The following LMNB2 variants were observed in gnomAD, a reference collection of about 807,000 sequenced individuals.
LMNB2 encodes the protein lamin B2.
Under a neutral mutation model 69.3 loss-of-function variants are expected in LMNB2, and 17 were observed. The observed-to-expected ratio is 0.25, with a 90% CI of 0.17 to 0.37. The LOEUF (loss-of-function observed/expected upper bound fraction) is 0.37, where lower values mean the gene tolerates loss of function less well. LMNB2 is among the 10% of genes least tolerant of loss of function. The probability of loss-of-function intolerance (pLI) is 1.00; values close to 1 mark genes in which losing one functional copy is unlikely to be tolerated. For synonymous variants in LMNB2, 397 were observed against 389.3 expected (o/e 1.02, Z -0.23); for missense variants, 789 against 883.6 (o/e 0.89, Z 1.36).
chr19:2,451,426 A>G (rs1406585491), intron 1 of LMNB2, among the ~76,000 whole-genome samples: 2 of 152,218 alleles, frequency 1.3e-5, no homozygotes, highest in African/African-American at 4.8e-5. Context: ...TCAGATGCAG[A>G]CAGTCTGGCC....
rs897415673 is a variant in LMNB2, at chr19:2,434,224, C to T, written c.1202+71G>A. On this transcript the variant is annotated intron_variant, in intron 7 of 11. Transcript: ENST00000325327. ...CCCCTGCCCAGCACTCCCCGCAGCCCCGTCCCGCCTCTCCTCCTGCCCTGC... is the reference window on the plus strand; with the variant it reads ...CCCCTGCCCAGCACTCCCCGCAGCCTCGTCCCGCCTCTCCTCCTGCCCTGC... 6.4e-6 allele frequency: 10 copies of T among 1,570,104 alleles called. No individual in the cohort carries two copies. In the African/African-American group the frequency reaches 8.1e-5, roughly 13 times the overall value.
rs1599328860 is a variant in LMNB2, at chr19:2,430,746, A to T, written c.*165T>A. The T allele has an allele frequency of 1.4e-6, 1 of 707,882 alleles. No homozygotes were observed. Among genetic ancestry groups the T allele is most frequent in the Non-Finnish European group, 2.6e-6 (1 of 381,072 alleles). 43.9% of individuals were successfully genotyped at this position (707,882 alleles called of 1,614,324 possible). Reference sequence around the variant, plus strand: ...CGAAGTGGCAGCGAAGTGAGGCTGGAGGAGACCCGCCAGGAGGGAGGGCTG... The same window carrying T: ...CGAAGTGGCAGCGAAGTGAGGCTGGTGGAGACCCGCCAGGAGGGAGGGCTG... On this transcript the variant is annotated 3_prime_UTR_variant, in exon 12 of 12. Transcript: ENST00000325327.
chr19:2,452,623 G>C (rs924011179), intron 1 of LMNB2, among the ~76,000 whole-genome samples: 2 of 151,802 alleles, frequency 1.3e-5, no homozygotes, highest in East Asian at 3.9e-4. Flanking sequence ...CTACTTAGGA[G>C]GGTGAGGCAG....
chr19:2,452,038 A>G (rs1972027985), intron 1 of LMNB2, among the ~76,000 whole-genome samples: 1 of 152,104 alleles, frequency 6.6e-6, no homozygotes, highest in Non-Finnish European at 1.5e-5. Flanking sequence ...GACACGGGCC[A>G]CAGCGCGGCC....
At chr19:2,455,101 A>C (rs896120407) in intron 1 of LMNB2, among the ~76,000 whole-genome samples, 2 of 152,010 alleles carry the variant, frequency 1.3e-5, no homozygotes, top group East Asian at 3.9e-4. Flanking sequence ...TGGGACCCCA[A>C]GGTATCAGAA....
intron 4 of LMNB2, 56 bp downstream of exon 4, chr19:2,438,107 G>A: frequency 1.2e-6 from 2 of 1,608,886 alleles, no homozygotes; most frequent in Non-Finnish European, 1.7e-6. Flanking sequence ...CCACAGCCAT[G>A]AGGGTGGACT....
In LMNB2 at chr19:2,429,165, C is replaced by T. The variant is rs1971700293; in HGVS notation, c.*1746G>A. The T allele has an allele frequency of 1.3e-5, 2 of 152,266 alleles. No homozygotes were observed. The highest frequency in any genetic ancestry group is 6.5e-5 in the Admixed American group (1 of 15,288). 9.4% of individuals were successfully genotyped at this position (152,266 alleles called of 1,614,324 possible). ...TCCCCATAGGACAAGATCACCAAGA[C>T]CCACCCCCAGAACCCTCGCTAGCAC... is the stretch of plus-strand genomic sequence containing the variant. On this transcript the variant is annotated 3_prime_UTR_variant, in exon 12 of 12. Transcript: ENST00000325327.
rs566638462 is a variant in LMNB2, at chr19:2,434,709, GC to G, written c.981+78del. On this transcript the variant is annotated intron_variant, in intron 6 of 11. Transcript: ENST00000325327. ...CTGCATCCGATGCCAAGAGGCCAGA[GC>G]CCCACGCCCCGCACATCCAGGGCAG... The G allele has an allele frequency of 8.0e-5, 123 of 1,535,714 alleles. 1 individual carries two copies. In the African/African-American group the frequency reaches 1.3e-3, roughly 17 times the overall value.
Position 2,430,579 on chromosome 19 carries a change from T to C in LMNB2, c.*332A>G. 1 of 434,482 alleles carries C rather than the reference T, an allele frequency of 2.3e-6. No homozygotes were observed. The highest frequency in any genetic ancestry group is 2.1e-5 in the South Asian group (1 of 47,314). The allele number at this position is 434,482 out of a possible 1,614,324, so 26.9% of individuals were successfully genotyped here. On this transcript the variant is annotated 3_prime_UTR_variant, in exon 12 of 12. Transcript: ENST00000325327. ...CTCCGTCCGCAGCAGGGCCGTCTCC[T>C]GTCCCCTCGCTAGCCTCGCCGGCCC...
chr19:2,447,683 G>A lies in LMNB2; in HGVS notation c.265-3143C>T, dbSNP rs1420230013. ...TTCCCACAGCCCTACAGGGCCAAGG[G>A]TGTCTATGCAAGGTGGGTACAGGGT... On this transcript the variant is annotated intron_variant, in intron 1 of 11. Coordinates refer to ENST00000325327, the MANE Select transcript of LMNB2 (RefSeq NM_032737.4). The surrounding 1 kb of genome is among the most constrained non-coding windows in gnomAD (Gnocchi z 4.4). 6.6e-6 allele frequency among the ~76,000 whole-genome samples: 1 copy of A among 152,208 alleles called. No individual in the cohort carries two copies. Among genetic ancestry groups the A allele is most frequent in the Non-Finnish European group, 1.5e-5 (1 of 68,036 alleles).
At position 2,430,269 on chromosome 19, in the gene LMNB2, C is replaced by G. The variant is rs1162482254; in HGVS notation, c.*642G>C. 1.1e-5 allele frequency: 2 copies of G among 174,318 alleles called. No homozygotes were observed. Among genetic ancestry groups the G allele is most frequent in the African/African-American group, 4.8e-5 (2 of 41,748 alleles). 10.8% of individuals were successfully genotyped at this position (174,318 alleles called of 1,614,324 possible). On this transcript the variant is annotated 3_prime_UTR_variant, in exon 12 of 12. Transcript: ENST00000325327. ...AGGAACTGAACTGCGGGAAAACTCC[C>G]CCAAATAAAGTCAACGGTCCGAGAA...
Position 2,452,926 on chromosome 19 carries a change from A to G in LMNB2, c.264+3744T>C, listed in dbSNP as rs147194328. ...TCCTCGTGGGGGATGGGTCATCCTC[A>G]TGGGGGCTGCGTCATCCTCATGGGG... On this transcript the variant is annotated intron_variant, in intron 1 of 11. Coordinates refer to ENST00000325327, the MANE Select transcript of LMNB2 (RefSeq NM_032737.4). 2.5e-4 allele frequency among the ~76,000 whole-genome samples: 16 copies of G among 64,420 alleles called. 1 individual carries two copies. Among genetic ancestry groups the G allele is most frequent in the East Asian group, 1.9e-3 (5 of 2,604 alleles). 42.3% of individuals were successfully genotyped at this position (64,420 alleles called of 152,430 possible).
chr19:2,430,751 A>T lies in LMNB2; in HGVS notation c.*160T>A, dbSNP rs1599328867. Reference sequence around the variant, plus strand: ...TGGCAGCGAAGTGAGGCTGGAGGAGACCCGCCAGGAGGGAGGGCTGGGGGA... The same window carrying T: ...TGGCAGCGAAGTGAGGCTGGAGGAGTCCCGCCAGGAGGGAGGGCTGGGGGA... On this transcript the variant is annotated 3_prime_UTR_variant, in exon 12 of 12. Transcript: ENST00000325327. 1 of 708,436 alleles carries T rather than the reference A, an allele frequency of 1.4e-6. No homozygotes were observed. The highest frequency in any genetic ancestry group is 2.7e-5 in the East Asian group (1 of 37,234). The allele number at this position is 708,436 out of a possible 1,614,324, so 43.9% of individuals were successfully genotyped here. A position where few individuals can be genotyped will look rare whatever the true frequency, so the allele number is the denominator to read the frequency against.
At chr19:2,446,983 A>G (rs945631539) in intron 1 of LMNB2, among the ~76,000 whole-genome samples, 2 of 151,966 alleles carry the variant, frequency 1.3e-5, no homozygotes, top group African/African-American at 4.8e-5. Context: ...TACTAAAAAA[A>G]CATACAAAAA....
chr19:2,452,077 T>C (rs1972028411), intron 1 of LMNB2, among the ~76,000 whole-genome samples: 1 of 149,550 alleles, frequency 6.7e-6, no homozygotes, highest in South Asian at 2.1e-4. Context: ...CCCCCAGCAC[T>C]CAGTGATCCT....
rs570599289 is a variant in LMNB2 at position 2,441,379 on chromosome 19, G to T, written c.402-2848C>A. ...GAGAGGCGTGAAGGCCAGAGACTTC[G>T]GCCACAAGGCTGATGCACCCCTGTC... On this transcript the variant is annotated intron_variant, in intron 2 of 11. Coordinates refer to ENST00000325327, the MANE Select transcript of LMNB2 (RefSeq NM_032737.4). 2.6e-5 allele frequency among the ~76,000 whole-genome samples: 4 copies of T among 152,326 alleles called. No individual in the cohort carries two copies. The East Asian group carries it at 7.7e-4, about 29-fold the overall frequency.
rs1460583416 is a variant in LMNB2, at chr19:2,445,777, C to T, written c.265-1237G>A. ...TTCACCCCTCGATCACAGGGATCTGCAGTCAGAGTCCCCAGCTCCCCACCC... is the reference window on the plus strand; with the variant it reads ...TTCACCCCTCGATCACAGGGATCTGTAGTCAGAGTCCCCAGCTCCCCACCC... On this transcript the variant is annotated intron_variant, in intron 1 of 11. Transcript: ENST00000325327. 3.4e-3 allele frequency among the ~76,000 whole-genome samples: 232 copies of T among 68,576 alleles called. 2 individuals are homozygous for T. The highest frequency in any genetic ancestry group is 0.014 in the African/African-American group (206 of 14,744). The allele number at this position is 68,576 out of a possible 152,430, so 45.0% of individuals were successfully genotyped here. A position where few individuals can be genotyped will look rare whatever the true frequency, so the allele number is the denominator to read the frequency against.
intron 1 of LMNB2, among the ~76,000 whole-genome samples, chr19:2,444,827 T>C (rs1021712965): frequency 6.6e-6 from 1 of 152,238 alleles, no homozygotes; most frequent in Admixed American, 6.5e-5. Context: ...GGAATGATCG[T>C]CTCTCCACGA....
intron 2 of LMNB2, among the ~76,000 whole-genome samples, chr19:2,439,722 G>A (rs918753244): frequency 9.9e-5 from 15 of 151,320 alleles, no homozygotes; most frequent in South Asian, 4.2e-4. Context: ...ATGCACTCCC[G>A]ACTCTCCCTA....
Sources: allele counts gnomAD v4.1 joint callset (sites outside exome capture counted in the v4.1 genomes callset), GRCh38; gene constraint gnomAD v4.1.1; non-coding constraint Gnocchi (gnomAD v3.1); transcripts MANE v1.5; gene names NCBI Gene and HGNC (gene_info 2026-07-23, HGNC 2026-07-21).